PRIM2: variants seen among roughly 807,000 people sequenced by gnomAD.
PRIM2 encodes DNA primase large subunit.
A neutral mutation model predicts 67.3 loss-of-function variants in PRIM2; 39 were observed. The ratio of observed to expected loss-of-function variants is 0.58; its 90% CI spans 0.45 to 0.76. The LOEUF (loss-of-function observed/expected upper bound fraction) is 0.76. PRIM2 is among the 30% of genes least tolerant of loss of function. PRIM2 has a pLI of 0.00. For synonymous variants in PRIM2, 143 were observed against 198.7 expected (o/e 0.72, Z 2.36); for missense variants, 398 against 598.7 (o/e 0.66, Z 3.50).
chr6:57,379,357 T>A (rs555596749), intron 5 of PRIM2, among the ~76,000 whole-genome samples: 166 of 144,060 alleles, frequency 1.2e-3, no homozygotes, highest in African/African-American at 4.1e-3. Context: ...TGTTTTGGTA[T>A]AGAAGTTTAA....
chr6:57,239,094 G>A, the PRIM2 span, among the ~76,000 whole-genome samples: 7 of 151,948 alleles, frequency 4.6e-5, no homozygotes, highest in African/African-American at 1.2e-4. Context: ...GAGTTCAAGC[G>A]ATTCTCCTGC....
At chr6:57,384,716 G>A (rs1770082237) in intron 7 of PRIM2, among the ~76,000 whole-genome samples, 1 of 152,110 alleles carries the variant, frequency 6.6e-6, no homozygotes. Context: ...TTAGGAATGG[G>A]GAGAGGGGAG....
At chr6:57,389,852 C>G (rs1770271824) in intron 7 of PRIM2, among the ~76,000 whole-genome samples, 1 of 152,056 alleles carries the variant, frequency 6.6e-6, no homozygotes, top group African/African-American at 2.4e-5. Context: ...AGTTGGGAAT[C>G]ATATAGGAGT....
intron 10 of PRIM2, among the ~76,000 whole-genome samples, chr6:57,554,779 GT>G (rs1175533836): frequency 6.6e-6 from 1 of 152,190 alleles, no homozygotes; most frequent in African/African-American, 2.4e-5. Context: ...CTACTTCATG[GT>G]TTTTTCCTTC....
intron 10 of PRIM2, among the ~76,000 whole-genome samples, chr6:57,597,050 GAGT>G (rs1371208210): frequency 6.6e-6 from 1 of 151,264 alleles, no homozygotes; most frequent in African/African-American, 2.4e-5. Flanking sequence ...CACCTCCTAT[GAGT>G]AGATGTTTTA....
At chr6:57,523,756 C>T (rs1774679242) in intron 8 of PRIM2, among the ~76,000 whole-genome samples, 1 of 151,820 alleles carries the variant, frequency 6.6e-6, no homozygotes, top group Admixed American at 6.6e-5. Context: ...TGCCATGAGA[C>T]CCATAAATCC....
At chr6:57,413,549 C>T (rs1771159843) in intron 7 of PRIM2, among the ~76,000 whole-genome samples, 1 of 152,010 alleles carries the variant, frequency 6.6e-6, no homozygotes, top group East Asian at 1.9e-4. Flanking sequence ...CAACTCATAA[C>T]TCTTGAATAT....
At chr6:57,610,823 A>T (rs1384485794) in intron 12 of PRIM2, among the ~76,000 whole-genome samples, 7 of 152,218 alleles carry the variant, frequency 4.6e-5, no homozygotes, top group Non-Finnish European at 1.0e-4. Context: ...GTCAGGAAGG[A>T]TATAGAAGCC....
intron 5 of PRIM2, among the ~76,000 whole-genome samples, chr6:57,369,034 T>TC (rs1318906049): frequency 1.3e-5 from 2 of 152,172 alleles, no homozygotes; most frequent in African/African-American, 4.8e-5. Context: ...ATAACACACG[T>TC]CACTTCCACT....
At chr6:57,417,342 C>T (rs1232981883) in intron 7 of PRIM2, among the ~76,000 whole-genome samples, 3 of 152,106 alleles carry the variant, frequency 2.0e-5, no homozygotes, top group African/African-American at 7.2e-5. Context: ...TTTGCATTTA[C>T]GACTTTGCTC....
intron 10 of PRIM2, among the ~76,000 whole-genome samples, chr6:57,578,160 T>C (rs1320867353): frequency 2.0e-5 from 3 of 152,212 alleles, no homozygotes; most frequent in African/African-American, 7.2e-5. Flanking sequence ...TCTCATCGTA[T>C]CCCTCTAAGG....
At chr6:57,436,733 G>C (rs1772024790) in intron 7 of PRIM2, among the ~76,000 whole-genome samples, 1 of 152,126 alleles carries the variant, frequency 6.6e-6, no homozygotes, top group Non-Finnish European at 1.5e-5. Context: ...CCCGAAAATG[G>C]ACATTTTCTC....
intron 7 of PRIM2, among the ~76,000 whole-genome samples, chr6:57,506,325 A>T (rs1395221032): frequency 3.9e-5 from 6 of 152,076 alleles, no homozygotes; most frequent in Admixed American, 2.6e-4. Flanking sequence ...AATATAAAAG[A>T]TATTTTTAGA....
chr6:57,637,611 A>G (rs1286096682), intron 13 of PRIM2, among the ~76,000 whole-genome samples: 1 of 152,212 alleles, frequency 6.6e-6, no homozygotes, highest in African/African-American at 2.4e-5. Flanking sequence ...TGAAGCATAC[A>G]CAAGTATCTG....
At chr6:57,270,226 T>C in the PRIM2 span, among the ~76,000 whole-genome samples, 1 of 152,014 alleles carries the variant, frequency 6.6e-6, no homozygotes, top group Non-Finnish European at 1.5e-5. Flanking sequence ...TTGGGCAGTA[T>C]GGCCATTTTC....
Position 57,515,083 on chromosome 6 carries a change from A to T in PRIM2, c.761+7629A>T, listed in dbSNP as rs1463215920. Among the ~76,000 whole-genome samples, 190 of 152,340 alleles carry T rather than the reference A, an allele frequency of 1.2e-3. 5 individuals carry two copies. In the East Asian group the frequency reaches 0.016, roughly 13 times the overall value. The stretch of plus-strand genomic sequence containing the variant: ...ACACTAAGCTTCTTTTGTGAACTTG[A>T]TGCATACTTTAATTATAAAGTGGTC... On this transcript the variant is annotated intron_variant, in intron 8 of 13. Transcript: ENST00000615550.
At chr6:57,391,802 C>T (rs978515411) in intron 7 of PRIM2, among the ~76,000 whole-genome samples, 2 of 152,142 alleles carry the variant, frequency 1.3e-5, no homozygotes, top group Admixed American at 1.3e-4. Context: ...TGTGATGCCT[C>T]AAGCGTTGTT....
At chr6:57,455,674 A>G (rs199503255) in intron 7 of PRIM2, among the ~76,000 whole-genome samples, 25,894 of 151,900 alleles carry the variant, frequency 0.17, 2,246 homozygotes, top group East Asian at 0.2. Flanking sequence ...TTGAGCCTAT[A>G]TGTGTCTCCG....
At chr6:57,456,555 C>A (rs930618520) in intron 7 of PRIM2, among the ~76,000 whole-genome samples, 4 of 152,190 alleles carry the variant, frequency 2.6e-5, no homozygotes, top group African/African-American at 9.7e-5. Flanking sequence ...ATCACTAATA[C>A]CCTTTCTTCC....
Sources: gnomAD v4.1 joint callset for allele counts (sites outside exome capture counted in the v4.1 genomes callset) on GRCh38, gnomAD v4.1.1 for gene constraint, MANE v1.5 for transcripts, NCBI Gene and HGNC (gene_info 2026-07-23, HGNC 2026-07-21) for gene names.